Variants in PCLO observed in about 807,000 individuals in gnomAD.
The protein encoded by PCLO is piccolo presynaptic cytomatrix protein.
In PCLO, 82 loss-of-function variants were observed where a neutral mutation model predicts 427.5. The observed-to-expected ratio is 0.19, with a 90% confidence interval of 0.16 to 0.23. The LOEUF is 0.23. Among genes scored for constraint, PCLO ranks in the 10% least tolerant of loss-of-function variants. The pLI is 1.00. For synonymous variants in PCLO, 2,357 were observed against 2,155.4 expected (o/e 1.09, Z -2.59); for missense variants, 6,239 against 6,115.9 (o/e 1.02, Z -0.67).
chr7:83,152,058 C>G (rs768299268), intron 2 of PCLO, among the ~76,000 whole-genome samples: 92 of 151,944 alleles, frequency 6.1e-4, no homozygotes, highest in African/African-American at 2.0e-3. Flanking sequence ...TCCGCCTCCC[C>G]GGTTCAGGCC....
chr7:82,956,925 T>A lies in PCLO; in HGVS notation c.4028A>T (p.Asp1343Val). 1.9e-6 allele frequency: 3 copies of A among 1,597,772 alleles called. No individual in the cohort carries two copies. Among genetic ancestry groups the A allele is most frequent in the Non-Finnish European group, 2.6e-6 (3 of 1,172,890 alleles). ...EPGKEKTEKE[D>V]DKSDTSSSQQ... ...AGAACTTGAGGTGTCTGATTTGTCA[T>A]CTTCCTTTTCCTAAGCAGGGAGATA... The change falls in exon 5 of 25, where the codon GAT (aspartate) becomes GTT (valine). Residue 1343 changes from aspartate to valine, a missense_variant. Coordinates refer to ENST00000333891, the MANE Select transcript of PCLO (RefSeq NM_033026.6).
intron 3 of PCLO, among the ~76,000 whole-genome samples, chr7:83,039,663 A>T (rs2116202944): frequency 6.6e-6 from 1 of 152,222 alleles, no homozygotes; most frequent in South Asian, 2.1e-4. Flanking sequence ...TGTCAAGCTC[A>T]TTTTGGATAA....
intron 22 of PCLO, among the ~76,000 whole-genome samples, chr7:82,796,302 G>A (rs372691051): frequency 6.6e-6 from 1 of 152,126 alleles, no homozygotes. Context: ...TTAGATTCAC[G>A]TAATTTAGGA....
At chr7:82,927,171 T>C (rs1376853329) in intron 6 of PCLO, among the ~76,000 whole-genome samples, 1 of 152,182 alleles carries the variant, frequency 6.6e-6, no homozygotes, top group African/African-American at 2.4e-5. Context: ...CTCATTTTTG[T>C]CAAATGGCAG....
At chr7:82,936,607 G>C (rs1794958480) in intron 6 of PCLO, among the ~76,000 whole-genome samples, 1 of 151,644 alleles carries the variant, frequency 6.6e-6, no homozygotes, top group Non-Finnish European at 1.5e-5. Context: ...TATGGCAGAG[G>C]TTGACAGTTC....
chr7:82,805,760 C>A lies in PCLO; in HGVS notation c.14861G>T (p.Ser4954Ile), dbSNP rs758105470. 4 of 1,611,824 alleles carry A rather than the reference C, an allele frequency of 2.5e-6. No individual in the cohort carries two copies. Among genetic ancestry groups the A allele is most frequent in the Admixed American group, 1.7e-5 (1 of 59,742 alleles). The change falls in exon 21 of 25, where the codon AGT becomes ATT. Residue 4954 changes from serine (S) to isoleucine (I), a missense_variant. Coordinates refer to ENST00000333891, the MANE Select transcript of PCLO (RefSeq NM_033026.6). ...STGSSGSSFGSGYSVDSEGSS... is the reference protein window; with the variant it reads ...STGSSGSSFGIGYSVDSEGSS... ...TCCTTCACTGTCCACGCTATACCCA[C>A]TGCCAAAGCTGCTGCCCGAGGAGCC...
chr7:82,834,809 A>C (rs766407409), intron 16 of PCLO, among the ~76,000 whole-genome samples: 8 of 152,196 alleles, frequency 5.3e-5, no homozygotes, highest in African/African-American at 1.4e-4. Flanking sequence ...AGATTAACTT[A>C]TTGCTAATAT....
At chr7:83,117,399 C>T (rs1217759954) in intron 3 of PCLO, among the ~76,000 whole-genome samples, 1 of 152,138 alleles carries the variant, frequency 6.6e-6, no homozygotes, top group Non-Finnish European at 1.5e-5. Flanking sequence ...ATATATTTAG[C>T]ATTGTTTAAA....
At chr7:82,995,896 A>G (rs1489688266) in intron 3 of PCLO, among the ~76,000 whole-genome samples, 1 of 151,956 alleles carries the variant, frequency 6.6e-6, no homozygotes, top group Non-Finnish European at 1.5e-5. Context: ...TATGTTTAGT[A>G]CGTACAAATG....
At position 82,768,406 on chromosome 7, in the gene PCLO, G is replaced by C. The variant is rs1790577552; in HGVS notation, c.15008-6913C>G. ...CCACTGCATTCCAGCTTGGGTGACA[G>C]AGTGAGACTCTGTCTCAAAAAAAAA... On this transcript the variant is annotated intron_variant, in intron 22 of 24. Transcript: ENST00000333891. Among the ~76,000 whole-genome samples the C allele has an allele frequency of 6.0e-5, 9 of 148,916 alleles. No individual in the cohort carries two copies. In the South Asian group the frequency reaches 1.9e-3, roughly 31 times the overall value.
At chr7:83,055,489 C>T (rs769010550) in intron 3 of PCLO, among the ~76,000 whole-genome samples, 2 of 152,120 alleles carry the variant, frequency 1.3e-5, no homozygotes, top group Non-Finnish European at 1.5e-5. Flanking sequence ...TTGCCCCCAA[C>T]ATTGCATTTC....
intron 3 of PCLO, among the ~76,000 whole-genome samples, chr7:83,001,116 T>G (rs542867076): frequency 6.6e-6 from 1 of 152,182 alleles, no homozygotes; most frequent in Non-Finnish European, 1.5e-5. Context: ...GTTTGTTCTA[T>G]AACATCAAAT....
intron 3 of PCLO, among the ~76,000 whole-genome samples, chr7:83,114,616 G>A (rs1047684762): frequency 2.0e-5 from 3 of 151,974 alleles, no homozygotes; most frequent in Non-Finnish European, 4.4e-5. Context: ...AGCACCTTAC[G>A]TGACAACATT....
chr7:83,050,262 AGTG>A (rs1789214269), intron 3 of PCLO, among the ~76,000 whole-genome samples: 1 of 60,430 alleles, frequency 1.7e-5, no homozygotes, highest in Non-Finnish European at 2.7e-5. Flanking sequence ...AAAAACTAGA[AGTG>A]CTTTTTAAAA....
chr7:82,951,736 C>T (rs2116429188), intron 5 of PCLO, 120 bp downstream of exon 5: 3 of 1,392,544 alleles, frequency 2.2e-6, no homozygotes, highest in Non-Finnish European at 2.8e-6. Flanking sequence ...GCTGCTATAA[C>T]ATCCAAAGAA....
At chr7:83,138,092 T>TGC (rs1038280380) in intron 2 of PCLO, among the ~76,000 whole-genome samples, 9 of 152,340 alleles carry the variant, frequency 5.9e-5, no homozygotes, top group Admixed American at 3.3e-4. Context: ...CTCATAATCA[T>TGC]GCAGCCAGAC....
At chr7:83,129,048 G>C (rs573111821) in intron 3 of PCLO, among the ~76,000 whole-genome samples, 1 of 152,198 alleles carries the variant, frequency 6.6e-6, no homozygotes, top group East Asian at 1.9e-4. Flanking sequence ...AACTTTAAGA[G>C]AGCACTGAAC....
chr7:82,842,078 G>T (rs539342858), intron 13 of PCLO, among the ~76,000 whole-genome samples: 1 of 152,050 alleles, frequency 6.6e-6, no homozygotes, highest in African/African-American at 2.4e-5. Flanking sequence ...GACCCTAATA[G>T]CCAAAGCAAT....
At chr7:83,021,795 C>T (rs577894814) in intron 3 of PCLO, among the ~76,000 whole-genome samples, 17 of 152,104 alleles carry the variant, frequency 1.1e-4, no homozygotes, top group African/African-American at 1.9e-4. Flanking sequence ...GAGTTCAATA[C>T]GGAAGCTAAA....
Sources: allele counts gnomAD v4.1 joint callset (sites outside exome capture counted in the v4.1 genomes callset), GRCh38; gene constraint gnomAD v4.1.1; transcripts MANE v1.5; gene names NCBI Gene and HGNC (gene_info 2026-07-23, HGNC 2026-07-21).